PTCHD4: variants seen among roughly 807,000 people sequenced by gnomAD.
The protein encoded by PTCHD4 is patched domain-containing protein 4.
A neutral mutation model predicts 58.1 loss-of-function variants in PTCHD4; 33 were observed. The ratio of observed to expected loss-of-function variants is 0.57; its 90% CI spans 0.43 to 0.76. The LOEUF (loss-of-function observed/expected upper bound fraction) is 0.76, where lower values mean the gene tolerates loss of function less well. Among genes scored for constraint, PTCHD4 ranks in the 30% least tolerant of loss-of-function variants. The pLI, the probability that PTCHD4 is intolerant of heterozygous loss-of-function variation, is 0.00. For synonymous variants in PTCHD4, 478 were observed against 409.6 expected (o/e 1.17, Z -2.02); for missense variants, 1,058 against 1,027.1 (o/e 1.03, Z -0.41).
rs746799141 is a variant in PTCHD4 at position 47,861,778 on chromosome 6, A to T, written c.*16525T>A. Among the ~76,000 whole-genome samples, 4 of 151,942 alleles carry T rather than the reference A, an allele frequency of 2.6e-5. No homozygotes were observed. The highest frequency in any genetic ancestry group is 9.7e-5 in the African/African-American group (4 of 41,434). On this transcript the variant is annotated 3_prime_UTR_variant, in exon 5 of 5. Transcript: ENST00000339488. ...TACTTTCTTCTTTTTATGAGACATT[A>T]AAGTATTCCGCTGAGCAATTTGAAC...
intron 4 of PTCHD4, among the ~76,000 whole-genome samples, chr6:47,963,924 T>G (rs1222080210): frequency 6.6e-6 from 1 of 152,234 alleles, no homozygotes; most frequent in African/African-American, 2.4e-5. Flanking sequence ...TTAAACAGAC[T>G]GTGGAACTTA....
intron 4 of PTCHD4, among the ~76,000 whole-genome samples, chr6:47,986,910 C>T (rs574226876): frequency 7.9e-4 from 121 of 152,236 alleles, no homozygotes; most frequent in African/African-American, 2.8e-3. Context: ...TCACACGCAA[C>T]AGTGGTGTGT....
intron 1 of PTCHD4, among the ~76,000 whole-genome samples, chr6:48,102,937 G>A (rs558221312): frequency 1.3e-5 from 2 of 152,322 alleles, no homozygotes; most frequent in African/African-American, 4.8e-5. Context: ...GGCTCGAGTA[G>A]GTAAACAAAG....
chr6:48,009,201 G>A (rs953886601), intron 3 of PTCHD4, 87 bp from the exon 4 acceptor site: 4 of 1,342,904 alleles, frequency 3.0e-6, no homozygotes, highest in African/African-American at 1.5e-5. Flanking sequence ...GCACAAGGAA[G>A]GCAGAGATAG....
At chr6:48,108,541 A>T (rs558267217) in intron 1 of PTCHD4, among the ~76,000 whole-genome samples, 1 of 152,274 alleles carries the variant, frequency 6.6e-6, no homozygotes, top group Admixed American at 6.5e-5. Flanking sequence ...AACATGGCAC[A>T]TGTATACATA....
At chr6:47,982,072 T>C (rs1022837251) in intron 4 of PTCHD4, among the ~76,000 whole-genome samples, 5 of 152,186 alleles carry the variant, frequency 3.3e-5, no homozygotes, top group South Asian at 2.1e-4. Context: ...ACTGTCAAAA[T>C]ATCTCCAGCC....
chr6:48,011,784 T>G (rs945424467), intron 3 of PTCHD4, among the ~76,000 whole-genome samples: 70 of 152,342 alleles, frequency 4.6e-4, no homozygotes, highest in Non-Finnish European at 8.5e-4. Context: ...TTCAGTTTTC[T>G]GCATATGGCT....
chr6:48,004,026 A>G (rs1172752669), intron 4 of PTCHD4, among the ~76,000 whole-genome samples: 1 of 152,202 alleles, frequency 6.6e-6, no homozygotes, highest in Non-Finnish European at 1.5e-5. Context: ...TAGAAATCAT[A>G]TAACATAGTT....
chr6:47,908,717 G>A (rs1764978012), intron 4 of PTCHD4, among the ~76,000 whole-genome samples: 1 of 152,130 alleles, frequency 6.6e-6, no homozygotes, highest in Non-Finnish European at 1.5e-5. Flanking sequence ...GTTTTTAGCA[G>A]AAATGATAAA....
At chr6:47,892,986 CTGAT>C (rs1764425183) in intron 4 of PTCHD4, among the ~76,000 whole-genome samples, 1 of 152,152 alleles carries the variant, frequency 6.6e-6, no homozygotes, top group Admixed American at 6.5e-5. Context: ...TGATTCAACT[CTGAT>C]TGGTTGATTA....
At chr6:48,057,181 T>TG in intron 3 of PTCHD4, among the ~76,000 whole-genome samples, 1 of 132,346 alleles carries the variant, frequency 7.6e-6, no homozygotes, top group East Asian at 2.3e-4. Context: ...GTTTTTTTTG[T>TG]TTTTTTTTGT....
rs1020325930 is a variant in PTCHD4 at position 47,871,153 on chromosome 6, G to A, written c.*7150C>T. ...CATTTCTACAATTTGTCTATGCATG[G>A]GTGAAGACTGTTTCTCCCTAGGAGT... On this transcript the variant is annotated 3_prime_UTR_variant, in exon 5 of 5. Transcript: ENST00000339488. 7.9e-5 allele frequency among the ~76,000 whole-genome samples: 12 copies of A among 151,526 alleles called. No individual in the cohort carries two copies. The highest frequency in any genetic ancestry group is 1.5e-4 in the Non-Finnish European group (10 of 67,676).
At chr6:47,981,905 T>C (rs987525840) in intron 4 of PTCHD4, among the ~76,000 whole-genome samples, 3 of 152,118 alleles carry the variant, frequency 2.0e-5, no homozygotes, top group African/African-American at 4.8e-5. Context: ...TGAGGAAAGA[T>C]TACTCCTGTT....
At chr6:48,012,178 C>A (rs187412555) in intron 3 of PTCHD4, among the ~76,000 whole-genome samples, 71 of 152,240 alleles carry the variant, frequency 4.7e-4, no homozygotes, top group Non-Finnish European at 9.1e-4. Flanking sequence ...GCCATTTTCA[C>A]AATATTGATT....
chr6:48,052,995 G>A (rs533735098), intron 3 of PTCHD4, among the ~76,000 whole-genome samples: 33 of 152,230 alleles, frequency 2.2e-4, no homozygotes, highest in African/African-American at 7.9e-4. Flanking sequence ...GATGTAGCTG[G>A]AACTACTTTA....
At chr6:48,101,553 A>G (rs907624165) in intron 1 of PTCHD4, among the ~76,000 whole-genome samples, 12 of 152,142 alleles carry the variant, frequency 7.9e-5, no homozygotes, top group African/African-American at 2.2e-4. Context: ...TTTGCTTCTC[A>G]TTGTCTTTTA....
At chr6:48,096,172 T>A (rs2113907192) in intron 1 of PTCHD4, among the ~76,000 whole-genome samples, 1 of 152,198 alleles carries the variant, frequency 6.6e-6, no homozygotes, top group South Asian at 2.1e-4. Context: ...ACTAATTATC[T>A]GAGGGTGGAG....
chr6:48,053,253 T>A (rs980180813), intron 3 of PTCHD4, among the ~76,000 whole-genome samples: 1 of 152,158 alleles, frequency 6.6e-6, no homozygotes, highest in Non-Finnish European at 1.5e-5. Context: ...TTGTTTAAGC[T>A]AAGACTGATT....
At chr6:48,005,656 CCT>C (rs1038261215) in intron 4 of PTCHD4, among the ~76,000 whole-genome samples, 4 of 152,276 alleles carry the variant, frequency 2.6e-5, no homozygotes, top group African/African-American at 7.2e-5. Flanking sequence ...CTATTCTAAG[CCT>C]CTCTGTCTCT....
Sources: gnomAD v4.1 joint callset for allele counts (sites outside exome capture counted in the v4.1 genomes callset) on GRCh38, gnomAD v4.1.1 for gene constraint, MANE v1.5 for transcripts, NCBI Gene and HGNC (gene_info 2026-07-23, HGNC 2026-07-21) for gene names.